Variants in RFWD3 observed in about 807,000 individuals in gnomAD.
RFWD3 encodes E3 ubiquitin-protein ligase RFWD3.
RFWD3 carries 65 observed loss-of-function variants against 87.7 expected under a neutral mutation model. That is an observed-to-expected ratio of 0.74 (90% confidence interval 0.61 to 0.91). The LOEUF is 0.91. Ranked by LOEUF, RFWD3 falls within the 40% of genes least tolerant of loss-of-function variation. RFWD3 has a pLI of 0.00. For synonymous variants in RFWD3, 433 were observed against 352.8 expected (o/e 1.23, Z -2.55); for missense variants, 1,078 against 938.5 (o/e 1.15, Z -1.94).
Position 74,636,468 on chromosome 16 carries a change from T to C in RFWD3, c.1304A>G (p.Lys435Arg), listed in dbSNP as rs575485124. The change falls in exon 8 of 13, where the codon AAG becomes AGG. Residue 435 changes from lysine (K) to arginine (R), a missense_variant. Transcript: ENST00000361070. Reference sequence around the variant, plus strand: ...TGTGAAGGTCTTTTGGAAGTGGTACTTGTGCTTGTGCTGGCCCTGGCTGGA... The same window carrying C: ...TGTGAAGGTCTTTTGGAAGTGGTACCTGTGCTTGTGCTGGCCCTGGCTGGA... ...SPSSQGQHKHKYHFQKTFTVS... is the reference protein window; with the variant it reads ...SPSSQGQHKHRYHFQKTFTVS... The C allele has an allele frequency of 1.2e-5, 20 of 1,614,032 alleles. No individual in the cohort carries two copies. Among genetic ancestry groups the C allele is most frequent in the Middle Eastern group, 1.7e-4 (1 of 6,042 alleles).
rs756332506 is a variant in RFWD3, at chr16:74,623,967, G to T, written c.2286C>A (p.Thr762=). The T allele has an allele frequency of 3.1e-6, 5 of 1,614,006 alleles. No individual in the cohort carries two copies. The Admixed American group carries it at 6.7e-5, about 22-fold the overall frequency. The part of the protein sequence containing the change: ...FEVNRNSYLA[T]LTEKMVHIYK... ...AGATGTGGACCATCTTCTCTGTTAA[G>T]GTAGCCAAGTAGCTGTTACGGTTCA... The change falls in exon 13 of 13, where the codon ACC becomes ACA. Residue 762 remains threonine (T), a synonymous_variant. Coordinates refer to ENST00000361070, the MANE Select transcript of RFWD3 (RefSeq NM_018124.4).
At chr16:74,646,647 A>G (rs978344798) in intron 4 of RFWD3, among the ~76,000 whole-genome samples, 1 of 152,068 alleles carries the variant, frequency 6.6e-6, no homozygotes, top group African/African-American at 2.4e-5. Context: ...TTAGCCAGGC[A>G]TGACGGCGTG....
intron 10 of RFWD3, 138 bp downstream of exon 10, chr16:74,630,643 A>C (rs759592059): frequency 4.0e-5 from 24 of 594,362 alleles, no homozygotes; most frequent in Non-Finnish European, 6.4e-5. Flanking sequence ...ATTGATTCTG[A>C]AGTGAGATCA....
chr16:74,659,749 C>T (rs185585159), intron 2 of RFWD3, among the ~76,000 whole-genome samples: 5 of 152,312 alleles, frequency 3.3e-5, no homozygotes, highest in South Asian at 4.1e-4. Context: ...AAAAAGAATG[C>T]TGAATCCAGA....
At chr16:74,656,466 T>C (rs1960996523) in intron 2 of RFWD3, among the ~76,000 whole-genome samples, 1 of 152,062 alleles carries the variant, frequency 6.6e-6, no homozygotes, top group South Asian at 2.1e-4. Flanking sequence ...ATTGAAAACC[T>C]TGAAATGATC....
chr16:74,651,462 T>C (rs899145677), intron 3 of RFWD3, among the ~76,000 whole-genome samples: 1 of 151,662 alleles, frequency 6.6e-6, no homozygotes, highest in Non-Finnish European at 1.5e-5. Context: ...TACAAAAAAT[T>C]TAAAAAATTA....
chr16:74,646,318 G>C (rs945045137), intron 4 of RFWD3, among the ~76,000 whole-genome samples: 4 of 152,224 alleles, frequency 2.6e-5, no homozygotes, highest in African/African-American at 9.6e-5. Flanking sequence ...TGAGGCTGCA[G>C]TGAGCTATGA....
chr16:74,648,816 T>G (rs561882489), intron 4 of RFWD3, among the ~76,000 whole-genome samples: 5 of 152,110 alleles, frequency 3.3e-5, no homozygotes, highest in African/African-American at 1.2e-4. Flanking sequence ...TTGGGCATGG[T>G]GGCTCATGAC....
At position 74,630,834 on chromosome 16, in the gene RFWD3, A is replaced by G. The variant is rs765002819; in HGVS notation, c.1701T>C (p.Tyr567=). 5.0e-6 allele frequency: 8 copies of G among 1,613,576 alleles called. No homozygotes were observed. Among genetic ancestry groups the G allele is most frequent in the Non-Finnish European group, 6.8e-6 (8 of 1,179,872 alleles). Residue 567 remains tyrosine (Y), a synonymous_variant, in exon 10 of 13, where the codon TAT becomes TAC. Transcript: ENST00000361070. ...AGLANGSILV[Y]DVRNTSSHVQ... The stretch of plus-strand genomic sequence containing the variant: ...CATGACTGCTCGTGTTTCGCACGTC[A>G]TATACCAGAATTGAACCATTGGCCA...
intron 8 of RFWD3, among the ~76,000 whole-genome samples, chr16:74,635,604 T>C (rs1407721809): frequency 6.6e-6 from 1 of 152,200 alleles, no homozygotes; most frequent in Non-Finnish European, 1.5e-5. Flanking sequence ...ACAGAACACA[T>C]TCCCAATTTG....
intron 6 of RFWD3, among the ~76,000 whole-genome samples, chr16:74,643,243 A>C (rs931451329): frequency 6.6e-6 from 1 of 152,170 alleles, no homozygotes; most frequent in Non-Finnish European, 1.5e-5. Flanking sequence ...GGCCTCCCAA[A>C]GTGCTGGGAT....
chr16:74,654,174 T>C (rs909878249), intron 2 of RFWD3, among the ~76,000 whole-genome samples: 2 of 152,150 alleles, frequency 1.3e-5, no homozygotes, highest in African/African-American at 4.8e-5. Flanking sequence ...CTCTCTTTCA[T>C]TCTTCATTTT....
At chr16:74,661,525 T>G in intron 1 of RFWD3, 74 bp from the exon 2 acceptor site, 1 of 1,290,154 alleles carries the variant, frequency 7.8e-7, no homozygotes. Flanking sequence ...GAATCATATT[T>G]AATCTTTCTG....
intron 8 of RFWD3, among the ~76,000 whole-genome samples, chr16:74,635,798 G>T (rs905062569): frequency 1.3e-5 from 2 of 152,184 alleles, no homozygotes; most frequent in African/African-American, 4.8e-5. Context: ...ATTTAGAAAT[G>T]ATTTAATTGA....
At chr16:74,626,646 G>A in intron 11 of RFWD3, 92 bp from the exon 12 acceptor site, 3 of 953,710 alleles carry the variant, frequency 3.1e-6, no homozygotes, top group Middle Eastern at 2.9e-4. Flanking sequence ...AACCTAGTTG[G>A]ATGGAAAAGC....
At chr16:74,657,129 C>T (rs1961045970) in intron 2 of RFWD3, among the ~76,000 whole-genome samples, 1 of 152,190 alleles carries the variant, frequency 6.6e-6, no homozygotes, top group Non-Finnish European at 1.5e-5. Context: ...GAACCACCAA[C>T]AGGTCATATA....
chr16:74,633,335 TGAAGA>T (rs1322473590), intron 8 of RFWD3, among the ~76,000 whole-genome samples: 3 of 121,800 alleles, frequency 2.5e-5, no homozygotes, highest in African/African-American at 6.2e-5. Flanking sequence ...TTCATGACAA[TGAAGA>T]GAAGAAGAAA....
chr16:74,648,633 G>A (rs192806496), intron 4 of RFWD3, among the ~76,000 whole-genome samples: 37 of 151,720 alleles, frequency 2.4e-4, no homozygotes, highest in Non-Finnish European at 4.1e-4. Flanking sequence ...TTAGCTGGGC[G>A]GGGTGGCGTG....
At chr16:74,666,411 C>T (rs917847899) in intron 1 of RFWD3, 5 of 152,132 alleles carry the variant, frequency 3.3e-5, no homozygotes, top group African/African-American at 9.7e-5. Flanking sequence ...AAGTAATCGG[C>T]GCTCAGAGCG....
Sources: allele counts gnomAD v4.1 joint callset (sites outside exome capture counted in the v4.1 genomes callset), GRCh38; gene constraint gnomAD v4.1.1; transcripts MANE v1.5; gene names NCBI Gene and HGNC (gene_info 2026-07-23, HGNC 2026-07-21).